Variants in TAFA1 observed in about 807,000 individuals in gnomAD.
TAFA1 encodes TAFA chemokine like family member 1.
Under a neutral mutation model 18.5 loss-of-function variants are expected in TAFA1, and 4 were observed. That is an observed-to-expected ratio of 0.22 (90% confidence interval 0.11 to 0.49). The LOEUF is 0.49. TAFA1 is among the 20% of genes least tolerant of loss of function. The pLI is 0.98. For missense variants in TAFA1, 147 were observed against 169.0 expected, an observed-to-expected ratio of 0.87 and a Z score of 0.72; for synonymous variants, 56 against 55.2, an observed-to-expected ratio of 1.01 and a Z score of -0.06.
chr3:68,071,708 A>G (rs2064757387), intron 2 of TAFA1, among the ~76,000 whole-genome samples: 1 of 152,184 alleles, frequency 6.6e-6, no homozygotes, highest in African/African-American at 2.4e-5. Context: ...TTAACGAAAA[A>G]AGATTTAATT....
intron 2 of TAFA1, among the ~76,000 whole-genome samples, chr3:68,020,770 GA>G (rs1214811000): frequency 6.6e-6 from 1 of 152,040 alleles, no homozygotes; most frequent in African/African-American, 2.4e-5. Context: ...CTCTACTATG[GA>G]ATACATAATA....
intron 2 of TAFA1, among the ~76,000 whole-genome samples, chr3:68,318,926 C>T (rs1025621641): frequency 6.6e-6 from 1 of 152,020 alleles, no homozygotes; most frequent in Admixed American, 6.6e-5. Context: ...GAATTCATAA[C>T]ACTAATAAAC....
intron 3 of TAFA1, among the ~76,000 whole-genome samples, chr3:68,488,757 G>T (rs2072395621): frequency 1.3e-5 from 2 of 152,126 alleles, no homozygotes; most frequent in South Asian, 2.1e-4. Context: ...TGGCATTGTT[G>T]TCTCATTTTT....
At chr3:68,482,532 G>A (rs1291987411) in intron 3 of TAFA1, among the ~76,000 whole-genome samples, 1 of 152,154 alleles carries the variant, frequency 6.6e-6, no homozygotes, top group Admixed American at 6.5e-5. Context: ...TGCAAAAGGG[G>A]ATAACATTTC....
At chr3:68,130,725 G>A (rs2065525636) in intron 2 of TAFA1, among the ~76,000 whole-genome samples, 1 of 152,076 alleles carries the variant, frequency 6.6e-6, no homozygotes, top group African/African-American at 2.4e-5. Context: ...GAGAACATCA[G>A]ACTATTTTCT....
At chr3:68,230,581 T>C (rs1322246256) in intron 2 of TAFA1, among the ~76,000 whole-genome samples, 7 of 152,202 alleles carry the variant, frequency 4.6e-5, no homozygotes, top group Non-Finnish European at 1.0e-4. Flanking sequence ...GCAATAAACA[T>C]GTGGGTGCAG....
At chr3:68,530,335 T>C (rs2073171789) in intron 3 of TAFA1, among the ~76,000 whole-genome samples, 1 of 152,226 alleles carries the variant, frequency 6.6e-6, no homozygotes, top group South Asian at 2.1e-4. Flanking sequence ...TTAGGATTTA[T>C]ACTGAAATAA....
chr3:68,195,112 A>G (rs944063913), intron 2 of TAFA1, among the ~76,000 whole-genome samples: 1 of 151,564 alleles, frequency 6.6e-6, no homozygotes, highest in African/African-American at 2.4e-5. Context: ...GGTTGTGACT[A>G]TAGCCTTAAA....
chr3:68,251,077 G>C (rs1010010902), intron 2 of TAFA1, among the ~76,000 whole-genome samples: 10 of 145,248 alleles, frequency 6.9e-5, no homozygotes, highest in African/African-American at 2.5e-4. Flanking sequence ...TGTTAATCAA[G>C]AAAAAAAAAC....
intron 2 of TAFA1, among the ~76,000 whole-genome samples, chr3:68,013,436 C>CTA (rs1704510674): frequency 6.6e-6 from 1 of 152,086 alleles, no homozygotes; most frequent in Admixed American, 6.6e-5. Context: ...AATTCAAAGA[C>CTA]TATACTTACA....
At chr3:68,074,534 A>C (rs1260221807) in intron 2 of TAFA1, among the ~76,000 whole-genome samples, 1 of 152,254 alleles carries the variant, frequency 6.6e-6, no homozygotes, top group Non-Finnish European at 1.5e-5. Flanking sequence ...GAAAACAAAA[A>C]TGCCTACAGC....
At chr3:68,249,392 G>A (rs1028581745) in intron 2 of TAFA1, among the ~76,000 whole-genome samples, 1 of 152,128 alleles carries the variant, frequency 6.6e-6, no homozygotes, top group Admixed American at 6.5e-5. Context: ...TTCCCCAGCT[G>A]TTTTAGTCAC....
chr3:68,201,467 A>G (rs1490148781), intron 2 of TAFA1, among the ~76,000 whole-genome samples: 1 of 151,682 alleles, frequency 6.6e-6, no homozygotes, highest in Non-Finnish European at 1.5e-5. Context: ...TTCATTTCTA[A>G]TATAAGGGTG....
intron 2 of TAFA1, among the ~76,000 whole-genome samples, chr3:68,172,152 T>C (rs2066062957): frequency 6.6e-6 from 1 of 152,208 alleles, no homozygotes; most frequent in Admixed American, 6.5e-5. Context: ...CTCACACCTA[T>C]ATAAGTCATC....
chr3:68,405,447 G>C (rs547172726), intron 2 of TAFA1, among the ~76,000 whole-genome samples: 1 of 150,556 alleles, frequency 6.6e-6, no homozygotes, highest in Non-Finnish European at 1.5e-5. Flanking sequence ...TGGGAGGATT[G>C]CTTGAACCTA....
At chr3:68,286,144 G>C (rs1317804801) in intron 2 of TAFA1, among the ~76,000 whole-genome samples, 1 of 152,138 alleles carries the variant, frequency 6.6e-6, no homozygotes, top group Non-Finnish European at 1.5e-5. Context: ...CTGGGAGGCG[G>C]ATGCTGCAGT....
At chr3:68,458,385 A>G (rs1405615542) in intron 3 of TAFA1, among the ~76,000 whole-genome samples, 1 of 152,186 alleles carries the variant, frequency 6.6e-6, no homozygotes. Flanking sequence ...GCAAGAACTA[A>G]CTAACATATC....
chr3:68,006,938 C>T (rs943680996), intron 2 of TAFA1, among the ~76,000 whole-genome samples, 194 bp downstream of exon 2: 4 of 152,126 alleles, frequency 2.6e-5, no homozygotes, highest in African/African-American at 9.7e-5. Context: ...CTATTAATTT[C>T]TCAGAAAAGG....
chr3:68,006,318 T>C, intron 1 of TAFA1: 1 of 281,760 alleles, frequency 3.5e-6, no homozygotes, highest in South Asian at 6.1e-5. Context: ...TTGTGTAAAA[T>C]AGGATTTTTA....
Sources: allele counts gnomAD v4.1 joint callset (sites outside exome capture counted in the v4.1 genomes callset), GRCh38; gene constraint gnomAD v4.1.1; transcripts MANE v1.5; gene names NCBI Gene and HGNC (gene_info 2026-07-23, HGNC 2026-07-21).